The following CSMD1 variants were observed in gnomAD, a reference collection of about 807,000 sequenced individuals.
The protein encoded by CSMD1 is CUB and Sushi multiple domains 1.
A neutral mutation model predicts 417.5 loss-of-function variants in CSMD1; 213 were observed. That is an observed-to-expected ratio of 0.51 (90% confidence interval 0.46 to 0.57). The LOEUF is 0.57. CSMD1 is among the 20% of genes least tolerant of loss of function. The probability of loss-of-function intolerance (pLI) is 0.00; values close to 1 mark genes in which losing one functional copy is unlikely to be tolerated. For missense variants in CSMD1, 6,923 were observed against 4,529.7 expected (o/e 1.53, Z -15.17); for synonymous variants, 2,862 against 1,736.8 (o/e 1.65, Z -16.11).
chr8:4,985,170 T>C (rs1811109841), intron 1 of CSMD1, among the ~76,000 whole-genome samples: 1 of 151,954 alleles, frequency 6.6e-6, no homozygotes, highest in Non-Finnish European at 1.5e-5. Flanking sequence ...TGAGAACACA[T>C]GGACACATAG....
intron 63 of CSMD1, 93 bp from the exon 64 acceptor site, chr8:2,955,861 G>A: frequency 1.8e-6 from 2 of 1,088,148 alleles, no homozygotes; most frequent in Non-Finnish European, 2.7e-6. Context: ...GTTTGGAAAT[G>A]GTTATGCAGT....
chr8:4,917,779 C>T (rs189665307), intron 1 of CSMD1, among the ~76,000 whole-genome samples: 1 of 152,074 alleles, frequency 6.6e-6, no homozygotes, highest in South Asian at 2.1e-4. Flanking sequence ...ATAATAAAAG[C>T]CATAATGTGA....
At chr8:4,045,544 T>C (rs1054508749) in intron 3 of CSMD1, among the ~76,000 whole-genome samples, 116 of 152,292 alleles carry the variant, frequency 7.6e-4, no homozygotes, top group African/African-American at 2.7e-3. Context: ...CAGCAGATGC[T>C]GTTACAGCTC....
chr8:4,942,300 C>T (rs111981939), intron 1 of CSMD1, among the ~76,000 whole-genome samples: 4,105 of 152,014 alleles, frequency 0.027, 170 homozygotes, highest in African/African-American at 0.093. Context: ...AAAAGAATTC[C>T]TCTGTGAATT....
intron 5 of CSMD1, among the ~76,000 whole-genome samples, chr8:3,832,280 A>G (rs1262098379): frequency 6.6e-6 from 1 of 152,200 alleles, no homozygotes; most frequent in Non-Finnish European, 1.5e-5. Context: ...TCCTGAGTAC[A>G]CGGGATTATT....
chr8:4,056,917 T>G (rs1439561483), intron 3 of CSMD1, among the ~76,000 whole-genome samples: 1 of 152,240 alleles, frequency 6.6e-6, no homozygotes, highest in East Asian at 1.9e-4. Context: ...TGCCACACTT[T>G]CTTAATCCAG....
intron 17 of CSMD1, among the ~76,000 whole-genome samples, chr8:3,391,831 A>T (rs2116832666): frequency 6.6e-6 from 1 of 152,320 alleles, no homozygotes; most frequent in Admixed American, 6.5e-5. Flanking sequence ...GGGCATGAAG[A>T]AGCGTCATTA....
chr8:4,703,357 TC>T, intron 1 of CSMD1, among the ~76,000 whole-genome samples: 2 of 152,306 alleles, frequency 1.3e-5, no homozygotes, highest in South Asian at 4.1e-4. Context: ...TGCAAAGATC[TC>T]CCTTTCTCTA....
chr8:4,649,020 ATTC>A (rs1803714271), intron 1 of CSMD1, among the ~76,000 whole-genome samples: 1 of 152,198 alleles, frequency 6.6e-6, no homozygotes, highest in South Asian at 2.1e-4. Flanking sequence ...GCGGTTATAT[ATTC>A]TCTTTGGCCG....
In CSMD1 at chr8:4,717,582, CCATA is replaced by C. The variant is rs778309593; in HGVS notation, c.86-80028_86-80025del. ...TCTATCTATCCATCCATCCATCCAT[CCATA>C]CATCCATCCATCCATCCACAAGCAG... On this transcript the variant is annotated intron_variant, in intron 1 of 69. Transcript: ENST00000635120. Among the ~76,000 whole-genome samples the C allele has an allele frequency of 2.9e-3, 390 of 136,702 alleles. 2 individuals are homozygous for C. Among genetic ancestry groups the C allele is most frequent in the East Asian group, 8.3e-3 (36 of 4,338 alleles). The allele number at this position is 136,702 out of a possible 152,430, so 89.7% of individuals were successfully genotyped here. A position where few individuals can be genotyped will look rare whatever the true frequency, so the allele number is the denominator to read the frequency against.
At chr8:3,435,033 T>G (rs892456045) in intron 12 of CSMD1, among the ~76,000 whole-genome samples, 3 of 151,070 alleles carry the variant, frequency 2.0e-5, no homozygotes, top group Non-Finnish European at 4.4e-5. Flanking sequence ...GACTGGGAGC[T>G]GGTAGCAGAG....
At chr8:4,679,326 C>A (rs529953802) in intron 1 of CSMD1, among the ~76,000 whole-genome samples, 1 of 152,086 alleles carries the variant, frequency 6.6e-6, no homozygotes, top group Non-Finnish European at 1.5e-5. Flanking sequence ...ACACCTTCTG[C>A]CCATTTTTGA....
intron 1 of CSMD1, among the ~76,000 whole-genome samples, chr8:4,871,700 T>C (rs1802747318): frequency 6.6e-6 from 1 of 152,090 alleles, no homozygotes; most frequent in African/African-American, 2.4e-5. Flanking sequence ...CTAGCAAAAA[T>C]CCCAAGTAGC....
rs962025579 is a variant in CSMD1, at chr8:4,012,586, C to T, written c.611-14476G>A. On this transcript the variant is annotated intron_variant, in intron 4 of 69. Coordinates refer to ENST00000635120, the MANE Select transcript of CSMD1 (RefSeq NM_033225.6). Reference sequence around the variant, plus strand: ...CAACCGTCACCACCTCCTTCCTCCCCTCAGTAGGCCTCAGTGACTATGTCA... The same window carrying T: ...CAACCGTCACCACCTCCTTCCTCCCTTCAGTAGGCCTCAGTGACTATGTCA... Among the ~76,000 whole-genome samples, 7 of 152,074 alleles carry T rather than the reference C, an allele frequency of 4.6e-5. No individual in the cohort carries two copies. The East Asian group carries it at 5.8e-4, about 13-fold the overall frequency.
chr8:3,334,434 TA>T (rs1319646285), intron 23 of CSMD1, among the ~76,000 whole-genome samples: 1 of 152,186 alleles, frequency 6.6e-6, no homozygotes, highest in Admixed American at 6.5e-5. Flanking sequence ...TCATTTATAG[TA>T]GTATGTTTAA....
At chr8:4,290,390 G>A (rs74790384) in intron 3 of CSMD1, among the ~76,000 whole-genome samples, 1 of 152,200 alleles carries the variant, frequency 6.6e-6, no homozygotes, top group South Asian at 2.1e-4. Flanking sequence ...GACGTAGGAA[G>A]TGGTAAACAC....
chr8:4,243,969 C>G (rs1324752759), intron 3 of CSMD1, among the ~76,000 whole-genome samples: 3 of 152,152 alleles, frequency 2.0e-5, no homozygotes, highest in East Asian at 1.9e-4. Flanking sequence ...CAGGTGGGAA[C>G]GGGTTACAGT....
chr8:2,970,629 T>C (rs997000453), intron 57 of CSMD1, among the ~76,000 whole-genome samples: 1 of 152,208 alleles, frequency 6.6e-6, no homozygotes, highest in Admixed American at 6.5e-5. Context: ...ATGAGTGATC[T>C]TTCAGCCTCT....
chr8:3,241,805 T>C (rs913971185), intron 26 of CSMD1, among the ~76,000 whole-genome samples: 5 of 152,114 alleles, frequency 3.3e-5, no homozygotes, highest in Non-Finnish European at 7.4e-5. Context: ...AACTGCAACT[T>C]AGAAATATGT....
Sources: allele counts gnomAD v4.1 joint callset (sites outside exome capture counted in the v4.1 genomes callset), GRCh38; gene constraint gnomAD v4.1.1; transcripts MANE v1.5; gene names NCBI Gene and HGNC (gene_info 2026-07-23, HGNC 2026-07-21).